PSMD3: variants seen among roughly 807,000 people sequenced by gnomAD.
PSMD3 encodes 26S proteasome non-ATPase regulatory subunit 3.
In PSMD3, 5 loss-of-function variants were observed where a neutral mutation model predicts 62.8. The ratio of observed to expected loss-of-function variants is 0.08; its 90% CI spans 0.04 to 0.17. The LOEUF (loss-of-function observed/expected upper bound fraction) is 0.17. Among genes scored for constraint, PSMD3 ranks in the 10% least tolerant of loss-of-function variants. The probability of loss-of-function intolerance (pLI) is 1.00; values close to 1 mark genes in which losing one functional copy is unlikely to be tolerated. For missense variants in PSMD3, 524 were observed against 713.6 expected (o/e 0.73, Z 3.03); for synonymous variants, 265 against 283.9 (o/e 0.93, Z 0.67).
chr17:39,981,042 A>T lies in PSMD3; in HGVS notation c.72A>T (p.Gln24His). 6.5e-7 allele frequency: 1 copy of T among 1,549,826 alleles called. No homozygotes were observed. ...KAKPPPGGGE[Q>H]EPPPPPAPQD... ...AACCGCCGCCCGGCGGAGGAGAACA[A>T]GAACCCCCACCGCCGCCGGCCCCCC... The change falls in exon 1 of 12, where the codon CAA becomes CAT. Residue 24 changes from glutamine to histidine, a missense_variant. Physicochemically the swap from Gln to His is conservative, Grantham distance 24. Around this residue, in one of 4 missense-constraint regions of PSMD3, gnomAD observed 396 missense variants for 475.8 expected, o/e 0.83. Coordinates refer to ENST00000264639, the MANE Select transcript of PSMD3 (RefSeq NM_002809.4).
chr17:39,986,480 C>T, intron 2 of PSMD3, 95 bp from the exon 3 acceptor site: 1 of 1,450,976 alleles, frequency 6.9e-7, no homozygotes, highest in Non-Finnish European at 9.5e-7. Flanking sequence ...GGTAGACACT[C>T]AATAAATATG....
Position 39,986,683 on chromosome 17 carries a change from T to A in PSMD3, c.520T>A (p.Phe174Ile). Residue 174 changes from phenylalanine (F) to isoleucine (I), a missense_variant, in exon 3 of 12, where the codon TTC becomes ATC. Transcript: ENST00000264639. Reference sequence around the variant, plus strand: ...CTATCTCCAACTCCTCGTGGTCATCTTCATGATGAACAGCAAGCGCTACAA... The same window carrying A: ...CTATCTCCAACTCCTCGTGGTCATCATCATGATGAACAGCAAGCGCTACAA... ...EAYLQLLVVIFMMNSKRYKEA... is the reference protein window; with the variant it reads ...EAYLQLLVVIIMMNSKRYKEA... 1 of 1,614,166 alleles carries A rather than the reference T, an allele frequency of 6.2e-7. No homozygotes were observed. Among genetic ancestry groups the A allele is most frequent in the Non-Finnish European group, 8.5e-7 (1 of 1,180,030 alleles).
Position 39,997,591 on chromosome 17 carries a change from C to T in PSMD3, c.*10C>T. The T allele has an allele frequency of 1.7e-6, 2 of 1,172,964 alleles. No homozygotes were observed. Among genetic ancestry groups the T allele is most frequent in the Non-Finnish European group, 1.2e-6 (1 of 822,412 alleles). 72.7% of individuals were successfully genotyped at this position (1,172,964 alleles called of 1,614,324 possible). On this transcript the variant is annotated 3_prime_UTR_variant, in exon 12 of 12. Transcript: ENST00000264639. ...TGACAGCTTCCCTTGAGCTGGGGGG[C>T]TGGGGAGGGGTAGGGGGAATGGGGA...
In PSMD3 at chr17:39,982,978, A is replaced by G. The variant is rs535404128; in HGVS notation, c.221-1316A>G. ...AGGTTTTTGATAGTTATTGTCCAGA[A>G]AAACTGTGCTGATTTACATTATACC... On this transcript the variant is annotated intron_variant, in intron 1 of 11. Transcript: ENST00000264639. Among the ~76,000 whole-genome samples the G allele has an allele frequency of 9.8e-5, 15 of 152,324 alleles. 1 individual carries two copies. The South Asian group carries it at 3.1e-3, about 32-fold the overall frequency.
At chr17:39,989,601 A>T in intron 4 of PSMD3, 138 bp from the exon 5 acceptor site, 3 of 829,986 alleles carry the variant, frequency 3.6e-6, no homozygotes, top group South Asian at 3.5e-5. Context: ...TAGGCACTCG[A>T]TAGTTAACAG....
At chr17:39,988,609 CT>C (rs1980581128) in intron 3 of PSMD3, 73 bp from the exon 4 acceptor site, 1 of 1,536,610 alleles carries the variant, frequency 6.5e-7, no homozygotes, top group African/African-American at 1.4e-5. Flanking sequence ...ATAGGAATTG[CT>C]GGCTCAAATG....
intron 6 of PSMD3, 53 bp downstream of exon 6, chr17:39,990,250 A>G (rs1172921888): frequency 1.7e-5 from 23 of 1,341,160 alleles, no homozygotes; most frequent in Non-Finnish European, 2.3e-5. Flanking sequence ...TTTTTTTTAA[A>G]TGGTGTCTTG....
In PSMD3 at chr17:39,981,048, C is replaced by T; in HGVS notation, c.78C>T (p.Pro26=). The change falls in exon 1 of 12, where the codon CCC becomes CCT. Residue 26 remains proline, a synonymous_variant. Coordinates refer to ENST00000264639, the MANE Select transcript of PSMD3 (RefSeq NM_002809.4). ...CGCCCGGCGGAGGAGAACAAGAACC[C>T]CCACCGCCGCCGGCCCCCCAGGATG... is the stretch of plus-strand genomic sequence containing the variant. ...KPPPGGGEQE[P]PPPPAPQDVE... 3 of 1,549,674 alleles carry T rather than the reference C, an allele frequency of 1.9e-6. No homozygotes were observed. The highest frequency in any genetic ancestry group is 2.6e-6 in the Non-Finnish European group (3 of 1,146,676).
At chr17:39,982,537 C>T (rs780419571) in intron 1 of PSMD3, among the ~76,000 whole-genome samples, 2 of 152,148 alleles carry the variant, frequency 1.3e-5, no homozygotes, top group Non-Finnish European at 2.9e-5. Context: ...TCAATTTATT[C>T]CAGAAACATT....
intron 6 of PSMD3, among the ~76,000 whole-genome samples, chr17:39,992,107 CAG>C (rs1406185932): frequency 6.6e-6 from 1 of 151,474 alleles, no homozygotes; most frequent in Admixed American, 6.6e-5. Flanking sequence ...TTCAGACACA[CAG>C]GGTGCGTGAG....
chr17:39,994,935 C>G lies in PSMD3; in HGVS notation c.982-19C>G, dbSNP rs1408823320. Reference sequence around the variant, plus strand: ...CATGGGGCTCCCTGCCCACTGTGTTCCCCTGTCACTCTGTCCAGGTGCACA... The same window carrying G: ...CATGGGGCTCCCTGCCCACTGTGTTGCCCTGTCACTCTGTCCAGGTGCACA... On this transcript the variant is annotated intron_variant, in intron 6 of 11. Coordinates refer to ENST00000264639, the MANE Select transcript of PSMD3 (RefSeq NM_002809.4). The G allele has an allele frequency of 1.2e-6, 2 of 1,609,948 alleles. No homozygotes were observed. Among genetic ancestry groups the G allele is most frequent in the Non-Finnish European group, 1.7e-6 (2 of 1,176,264 alleles).
chr17:39,994,839 C>T, intron 6 of PSMD3, 115 bp from the exon 7 acceptor site: 1 of 869,738 alleles, frequency 1.1e-6, no homozygotes, highest in Non-Finnish European at 1.8e-6. Context: ...TGGGCCTAAA[C>T]AGTGATCCCT....
rs1980827699 is a variant in PSMD3, at chr17:39,997,944, A to G, written c.*363A>G. On this transcript the variant is annotated 3_prime_UTR_variant, in exon 12 of 12. Coordinates refer to ENST00000264639, the MANE Select transcript of PSMD3 (RefSeq NM_002809.4). The stretch of plus-strand genomic sequence containing the variant: ...TTCGATTATGATTTTTAAACAATAA[A>G]AAGTTCTCCACAGTGCTTTGTGCAT... The G allele has an allele frequency of 6.6e-6, 2 of 305,248 alleles. No individual in the cohort carries two copies. The highest frequency in any genetic ancestry group is 3.7e-5 in the South Asian group (1 of 27,226). The allele number at this position is 305,248 out of a possible 1,614,324, so 18.9% of individuals were successfully genotyped here.
intron 3 of PSMD3, among the ~76,000 whole-genome samples, chr17:39,987,226 TC>T (rs56729171): frequency 0.3 from 45,737 of 152,116 alleles, 8,257 homozygotes; most frequent in Middle Eastern, 0.51. Context: ...CTTCTACCAC[TC>T]CCCCAGCTAG....
intron 1 of PSMD3, 62 bp downstream of exon 1, chr17:39,981,252 G>C: frequency 6.5e-7 from 1 of 1,543,480 alleles, no homozygotes; most frequent in Non-Finnish European, 8.7e-7. Flanking sequence ...CTGTGATTTG[G>C]CTTCTTGCTG....
intron 6 of PSMD3, among the ~76,000 whole-genome samples, chr17:39,990,714 G>A (rs1029328134): frequency 2.0e-5 from 3 of 152,140 alleles, no homozygotes; most frequent in African/African-American, 7.2e-5. Context: ...ATTCCCCAGC[G>A]CTCCTGACAG....
chr17:39,986,640 C>G lies in PSMD3; in HGVS notation c.477C>G (p.Leu159=). 6.2e-7 allele frequency: 1 copy of G among 1,614,180 alleles called. No homozygotes were observed. The highest frequency in any genetic ancestry group is 1.1e-5 in the South Asian group (1 of 91,084). ...CGGGAAAAGCTGCGTCGACACCCCT[C>G]CTGCCTGAAGTGGAAGCCTATCTCC... The part of the protein sequence containing the change: ...PRTGKAASTP[L]LPEVEAYLQL... The change falls in exon 3 of 12, where the codon CTC becomes CTG. Residue 159 remains leucine, a synonymous_variant. Transcript: ENST00000264639.
rs777827638 is a variant in PSMD3 at position 39,986,627 on chromosome 17, C to T, written c.464C>T (p.Ala155Val). 47 of 1,613,982 alleles carry T rather than the reference C, an allele frequency of 2.9e-5. No individual in the cohort carries two copies. The highest frequency in any genetic ancestry group is 3.6e-5 in the Non-Finnish European group (42 of 1,180,022). ...TTCCGTCCCCGCACGGGAAAAGCTG[C>T]GTCGACACCCCTCCTGCCTGAAGTG... ...LQFRPRTGKAASTPLLPEVEA... is the reference protein window; with the variant it reads ...LQFRPRTGKAVSTPLLPEVEA... The change falls in exon 3 of 12, where the codon GCG becomes GTG. Residue 155 changes from alanine (A) to valine (V), a missense_variant. Around this residue, in one of 4 missense-constraint regions of PSMD3, gnomAD observed 396 missense variants for 475.8 expected, o/e 0.83. Coordinates refer to ENST00000264639, the MANE Select transcript of PSMD3 (RefSeq NM_002809.4).
In PSMD3 at chr17:39,988,733, C is replaced by T. The variant is rs1980584075; in HGVS notation, c.600C>T (p.Arg200=). 6.2e-7 allele frequency: 1 copy of T among 1,614,184 alleles called. No homozygotes were observed. Among genetic ancestry groups the T allele is most frequent in the East Asian group, 2.2e-5 (1 of 44,896 alleles). ...DLMQKISTQN[R]RALDLVAAKC... ...TGCAGAAGATCAGTACTCAGAACCG[C>T]CGGGCCCTAGACCTTGTAGCCGCAA... Residue 200 remains arginine (R), a synonymous_variant, in exon 4 of 12, where the codon CGC becomes CGT. Coordinates refer to ENST00000264639, the MANE Select transcript of PSMD3 (RefSeq NM_002809.4).
Sources: allele counts gnomAD v4.1 joint callset (sites outside exome capture counted in the v4.1 genomes callset), GRCh38; gene constraint gnomAD v4.1.1; regional missense constraint gnomAD v4.1.1; transcripts MANE v1.5; gene names NCBI Gene and HGNC (gene_info 2026-07-23, HGNC 2026-07-21).